NBAS: variants seen among roughly 807,000 people sequenced by gnomAD.
NBAS encodes NBAS subunit of NRZ tethering complex.
NBAS carries 219 observed loss-of-function variants against 302.5 expected under a neutral mutation model. The observed-to-expected ratio is 0.72, with a 90% CI of 0.65 to 0.81. NBAS has a LOEUF of 0.81. NBAS is among the 30% of genes least tolerant of loss of function. The pLI is 0.00. For missense variants in NBAS, 2,932 were observed against 2,841.6 expected, an observed-to-expected ratio of 1.03 and a Z score of -0.72; for synonymous variants, 1,118 against 1,021.6, an observed-to-expected ratio of 1.09 and a Z score of -1.80.
intron 7 of NBAS, 35 bp from the exon 8 acceptor site, chr2:15,536,586 A>T: frequency 6.4e-7 from 1 of 1,561,876 alleles, no homozygotes; most frequent in Admixed American, 1.8e-5. Context: ...TACTAAAAAA[A>T]AAAAAACTAG....
the NBAS span, among the ~76,000 whole-genome samples, chr2:15,078,886 A>G: frequency 6.6e-6 from 1 of 152,228 alleles, no homozygotes; most frequent in Non-Finnish European, 1.5e-5. Context: ...TTTATATACC[A>G]GTAAATTTCA....
chr2:15,265,233 G>A (rs935870606), intron 44 of NBAS, among the ~76,000 whole-genome samples: 90 of 152,276 alleles, frequency 5.9e-4, no homozygotes, highest in African/African-American at 2.1e-3. Context: ...GCAGAAAAGT[G>A]TCATGCAATC....
chr2:14,909,335 A>T, the NBAS span, among the ~76,000 whole-genome samples: 15 of 145,088 alleles, frequency 1.0e-4, no homozygotes, highest in Non-Finnish European at 2.1e-4. Flanking sequence ...AAAAAAAAAA[A>T]AGAGAACCGC....
At chr2:15,073,692 G>A in the NBAS span, among the ~76,000 whole-genome samples, 2 of 151,870 alleles carry the variant, frequency 1.3e-5, no homozygotes, top group Admixed American at 1.3e-4. Flanking sequence ...ACATACACGT[G>A]CACATATATA....
the NBAS span, among the ~76,000 whole-genome samples, chr2:15,133,509 G>T: frequency 6.6e-6 from 1 of 152,178 alleles, no homozygotes; most frequent in Non-Finnish European, 1.5e-5. Context: ...CAGCAATCTA[G>T]TAACTTGGCT....
chr2:15,396,677 A>G (rs2148415836), intron 26 of NBAS, among the ~76,000 whole-genome samples: 1 of 152,320 alleles, frequency 6.6e-6, no homozygotes, highest in South Asian at 2.1e-4. Context: ...TCTCTGTTAC[A>G]GATTAGTCAG....
chr2:14,918,543 G>A, the NBAS span, among the ~76,000 whole-genome samples: 1 of 152,196 alleles, frequency 6.6e-6, no homozygotes, highest in Non-Finnish European at 1.5e-5. Context: ...ATTATAACAG[G>A]ATCATTTTCA....
chr2:15,428,885 T>C (rs903123875), intron 21 of NBAS, among the ~76,000 whole-genome samples: 1 of 148,372 alleles, frequency 6.7e-6, no homozygotes, highest in Admixed American at 6.7e-5. Context: ...CTACTAAAAA[T>C]ATGAAAAATT....
chr2:14,957,260 G>C, the NBAS span, among the ~76,000 whole-genome samples: 1 of 144,404 alleles, frequency 6.9e-6, no homozygotes, highest in Non-Finnish European at 1.5e-5. Flanking sequence ...TCTTACTGGC[G>C]TTTAGTTTAT....
At chr2:15,009,603 TAC>T in the NBAS span, among the ~76,000 whole-genome samples, 9,223 of 130,450 alleles carry the variant, frequency 0.071, 867 homozygotes, top group African/African-American at 0.22. Context: ...TGCAACATCA[TAC>T]ACACACACAC....
In NBAS at chr2:15,256,343, C is replaced by T. The variant is rs535526314; in HGVS notation, c.5725-17657G>A. ...GCTGTTGTAAAAAAGGTTGAGTTCT[C>T]GACTTGATTCTCGGCTTGGTCATTG... is the stretch of plus-strand genomic sequence containing the variant. On this transcript the variant is annotated intron_variant, in intron 44 of 51. Coordinates refer to ENST00000281513, the MANE Select transcript of NBAS (RefSeq NM_015909.4). Among the ~76,000 whole-genome samples the T allele has an allele frequency of 3.9e-5, 6 of 151,962 alleles. No homozygotes were observed. The South Asian group carries it at 1.0e-3, about 26-fold the overall frequency.
intron 30 of NBAS, among the ~76,000 whole-genome samples, chr2:15,377,053 G>A (rs3805098): frequency 7.9e-5 from 12 of 152,116 alleles, no homozygotes; most frequent in Non-Finnish European, 1.3e-4. Context: ...AGAAAAGACA[G>A]AAATTGTAAA....
In NBAS at chr2:15,175,047, A is replaced by C. The variant is rs367859568; in HGVS notation, c.6840+3941T>G. Among the ~76,000 whole-genome samples, 3 of 152,162 alleles carry C rather than the reference A, an allele frequency of 2.0e-5. No individual in the cohort carries two copies. In the East Asian group the frequency reaches 5.8e-4, roughly 29 times the overall value. ...CAGTGGCGCGATCTCAGCTCACTGC[A>C]GCTCCACCTCCCGGGTCCACACCAT... On this transcript the variant is annotated intron_variant, in intron 51 of 51. Coordinates refer to ENST00000281513, the MANE Select transcript of NBAS (RefSeq NM_015909.4).
At position 15,417,670 on chromosome 2, in the gene NBAS, T is replaced by C; in HGVS notation, c.2620A>G (p.Asn874Asp). ...LSLIRLGMER[N>D]IPGLLVLCDN... The stretch of plus-strand genomic sequence containing the variant: ...CAGAGAACCAGCAAACCAGGAATAT[T>C]CCGCTCCATCCCAAGTCGAATAAGT... Residue 874 changes from asparagine to aspartate, a missense_variant, in exon 24 of 52, where the codon AAT (asparagine) becomes GAT (aspartate). Physicochemically the swap from Asn to Asp is conservative, Grantham distance 23. Transcript: ENST00000281513. The C allele has an allele frequency of 6.2e-7, 1 of 1,613,990 alleles. No homozygotes were observed.
At chr2:15,011,928 TA>T in the NBAS span, among the ~76,000 whole-genome samples, 2 of 152,152 alleles carry the variant, frequency 1.3e-5, no homozygotes, top group Non-Finnish European at 2.9e-5. Context: ...AGTATTTTCC[TA>T]AAAAATCTAC....
chr2:14,787,418 G>A, the NBAS span, among the ~76,000 whole-genome samples: 60,231 of 151,878 alleles, frequency 0.4, 12,441 homozygotes, highest in African/African-American at 0.5. Flanking sequence ...TCCTAGCCTC[G>A]ATGGTCTTTA....
At chr2:15,049,104 C>A in the NBAS span, among the ~76,000 whole-genome samples, 1 of 146,232 alleles carries the variant, frequency 6.8e-6, no homozygotes, top group African/African-American at 2.6e-5. Context: ...GAACTGCTCG[C>A]TGCCGCTGAG....
the NBAS span, among the ~76,000 whole-genome samples, chr2:15,000,000 TTTATTGAAG>T: frequency 1.3e-5 from 2 of 152,192 alleles, no homozygotes; most frequent in African/African-American, 4.8e-5. Context: ...GTAAGTTGGT[TTTATTGAAG>T]TTATTGCCAA....
At chr2:15,093,196 A>G in the NBAS span, among the ~76,000 whole-genome samples, 1 of 152,156 alleles carries the variant, frequency 6.6e-6, no homozygotes, top group Non-Finnish European at 1.5e-5. Context: ...CGGGCAGATC[A>G]CTTGAGCTCA....
Sources: gnomAD v4.1 joint callset for allele counts (sites outside exome capture counted in the v4.1 genomes callset) on GRCh38, gnomAD v4.1.1 for gene constraint, MANE v1.5 for transcripts, NCBI Gene and HGNC (gene_info 2026-07-23, HGNC 2026-07-21) for gene names.